The following CPNE4 variants were observed in gnomAD, a reference collection of about 807,000 sequenced individuals.
The protein encoded by CPNE4 is copine 4.
In CPNE4, 25 loss-of-function variants were observed where a neutral mutation model predicts 67.9. That is an observed-to-expected ratio of 0.37 (90% CI 0.27 to 0.51). The LOEUF (loss-of-function observed/expected upper bound fraction) is 0.51. Ranked by LOEUF, CPNE4 falls within the 20% of genes least tolerant of loss-of-function variation. The pLI, the probability that CPNE4 is intolerant of heterozygous loss-of-function variation, is 0.93. For missense variants in CPNE4, 464 were observed against 690.8 expected (o/e 0.67, Z 3.68); for synonymous variants, 242 against 244.9 (o/e 0.99, Z 0.11).
chr3:131,978,166 TAAATATGTAA>T (rs2072741212), intron 1 of CPNE4, among the ~76,000 whole-genome samples: 2 of 73,452 alleles, frequency 2.7e-5, no homozygotes, highest in Non-Finnish European at 4.6e-5. Flanking sequence ...TAAATATATA[TAAATATGTAA>T]ATATATATAA....
At chr3:131,835,256 C>T (rs189173138) in intron 2 of CPNE4, among the ~76,000 whole-genome samples, 8 of 152,146 alleles carry the variant, frequency 5.3e-5, no homozygotes, top group African/African-American at 1.7e-4. Context: ...GGGCCAGGTG[C>T]GGAGGCTCAA....
intron 1 of CPNE4, among the ~76,000 whole-genome samples, chr3:131,958,402 C>T (rs1174042967): frequency 2.1e-5 from 3 of 142,016 alleles, no homozygotes; most frequent in African/African-American, 7.5e-5. Context: ...CCCAGGTGCC[C>T]ATCCCAGACC....
In CPNE4 at chr3:131,978,084, TATAA is replaced by T. The variant is rs1309924332; in HGVS notation, c.-2+56479_-2+56482del. Among the ~76,000 whole-genome samples the T allele has an allele frequency of 5.0e-3, 161 of 32,104 alleles. 9 individuals are homozygous for T. Among genetic ancestry groups the T allele is most frequent in the African/African-American group, 0.029 (149 of 5,114 alleles). The allele number at this position is 32,104 out of a possible 152,430, so 21.1% of individuals were successfully genotyped here. A position where few individuals can be genotyped will look rare whatever the true frequency, so the allele number is the denominator to read the frequency against. ...ATATATATAAATATATATAAATATA[TATAA>T]ATATATATATAAATATATATAAAAT... On this transcript the variant is annotated intron_variant, in intron 1 of 15. Transcript: ENST00000429747.
chr3:131,596,621 CAAAAAAAAA>C (rs58456346), intron 7 of CPNE4, among the ~76,000 whole-genome samples: 20 of 32,980 alleles, frequency 6.1e-4, no homozygotes, highest in African/African-American at 1.4e-3. Context: ...GACTCCGTCT[CAAAAAAAAA>C]AAAAAAAAAA....
intron 1 of CPNE4, among the ~76,000 whole-genome samples, chr3:132,004,398 C>T (rs961010169): frequency 1.3e-5 from 2 of 151,928 alleles, no homozygotes; most frequent in Non-Finnish European, 2.9e-5. Flanking sequence ...GCATGTATGT[C>T]TGCATATGTG....
chr3:131,768,544 A>G lies in CPNE4; in HGVS notation c.181-44919T>C, dbSNP rs770507870. ...CTTAAAGGACTTTGAACTGGCTGAG[A>G]TTTTGGCTAACACTATGCAAAAACT... On this transcript the variant is annotated intron_variant, in intron 2 of 15. Transcript: ENST00000429747. Among the ~76,000 whole-genome samples the G allele has an allele frequency of 2.0e-5, 3 of 152,110 alleles. No homozygotes were observed. The South Asian group carries it at 6.2e-4, about 32-fold the overall frequency.
chr3:131,826,694 C>A (rs1344249635), intron 2 of CPNE4, among the ~76,000 whole-genome samples: 1 of 152,080 alleles, frequency 6.6e-6, no homozygotes, highest in Non-Finnish European at 1.5e-5. Flanking sequence ...ATTTGAATTA[C>A]CCTCAGAAAT....
rs562019738 is a variant in CPNE4 at position 132,032,241 on chromosome 3, C to T, written c.-2+2326G>A. 2.6e-4 allele frequency among the ~76,000 whole-genome samples: 40 copies of T among 152,314 alleles called. No homozygotes were observed. In the East Asian group the frequency reaches 3.9e-3, roughly 15 times the overall value. The stretch of plus-strand genomic sequence containing the variant: ...GCAACTATCTCAAACTGGGAAGTCA[C>T]TGTACCGCATCTGTGCCTTCTCCCA... On this transcript the variant is annotated intron_variant, in intron 1 of 15. Transcript: ENST00000429747.
intron 2 of CPNE4, among the ~76,000 whole-genome samples, chr3:131,737,115 C>CTTTTGTTTTTTTTTTTTTTTTTTTTTT (rs2082254066): frequency 2.0e-5 from 1 of 49,362 alleles, no homozygotes; most frequent in Non-Finnish European, 3.6e-5. Flanking sequence ...AGTATTGTGT[C>CTTTTGTTTTTTTTTTTTTTTTTTTTTT]TTTTTTTTTT....
chr3:131,587,167 A>G (rs74602709), intron 8 of CPNE4, among the ~76,000 whole-genome samples: 5,147 of 152,270 alleles, frequency 0.034, 260 homozygotes, highest in African/African-American at 0.11. Flanking sequence ...TTTTTAGATG[A>G]GCAAAATGAG....
At chr3:131,922,621 T>C (rs1273447955) in intron 1 of CPNE4, among the ~76,000 whole-genome samples, 1 of 152,230 alleles carries the variant, frequency 6.6e-6, no homozygotes, top group Admixed American at 6.5e-5. Context: ...ATTTGGGTGC[T>C]ACATAACATA....
intron 3 of CPNE4, among the ~76,000 whole-genome samples, chr3:131,715,570 A>G (rs1213282332): frequency 4.6e-5 from 7 of 152,238 alleles, no homozygotes; most frequent in Non-Finnish European, 1.0e-4. Context: ...AATGGTAATA[A>G]TGGTAGTGCC....
chr3:131,568,222 G>T (rs1937159209), intron 10 of CPNE4, among the ~76,000 whole-genome samples: 1 of 151,986 alleles, frequency 6.6e-6, no homozygotes, highest in African/African-American at 2.4e-5. Flanking sequence ...GAAAGTAGTG[G>T]TTCCTAAAAC....
intron 6 of CPNE4, 119 bp from the exon 7 acceptor site, chr3:131,669,883 A>T: frequency 1.3e-6 from 1 of 782,152 alleles, no homozygotes; most frequent in Non-Finnish European, 2.1e-6. Flanking sequence ...ATAGCCTGGA[A>T]GAGGTGCCTT....
chr3:131,876,239 A>AAAAT (rs60812638), intron 2 of CPNE4, among the ~76,000 whole-genome samples: 14,415 of 139,576 alleles, frequency 0.1, 803 homozygotes, highest in African/African-American at 0.15. Flanking sequence ...ACTCGGTCTC[A>AAAAT]AAATAAATAA....
At chr3:131,792,672 C>CACACGTGTATATATGTATAT (rs1560322350) in intron 2 of CPNE4, among the ~76,000 whole-genome samples, 1 of 32,856 alleles carries the variant, frequency 3.0e-5, no homozygotes, top group African/African-American at 9.9e-5. Flanking sequence ...TGTATATATA[C>CACACGTGTATATATGTATAT]ATATATACAC....
intron 1 of CPNE4, among the ~76,000 whole-genome samples, chr3:131,953,852 C>T (rs1378045774): frequency 1.3e-5 from 2 of 152,104 alleles, no homozygotes; most frequent in Admixed American, 6.5e-5. Flanking sequence ...CTATAATTAA[C>T]AATCATTTCT....
intron 7 of CPNE4, among the ~76,000 whole-genome samples, chr3:131,604,563 G>A (rs1939392276): frequency 6.6e-6 from 1 of 152,068 alleles, no homozygotes; most frequent in Non-Finnish European, 1.5e-5. Flanking sequence ...CAAATATAAA[G>A]CAGACAGGAA....
At chr3:131,930,370 C>A (rs1048935663) in intron 1 of CPNE4, among the ~76,000 whole-genome samples, 3 of 152,022 alleles carry the variant, frequency 2.0e-5, no homozygotes, top group Non-Finnish European at 4.4e-5. Context: ...TCAGGGTGAC[C>A]TTGCAGAGAA....
Sources: allele counts gnomAD v4.1 joint callset (sites outside exome capture counted in the v4.1 genomes callset), GRCh38; gene constraint gnomAD v4.1.1; transcripts MANE v1.5; gene names NCBI Gene and HGNC (gene_info 2026-07-23, HGNC 2026-07-21).